LRRCC1: variants seen among roughly 807,000 people sequenced by gnomAD.
LRRCC1 encodes the protein leucine-rich repeat and coiled-coil domain-containing protein 1.
In LRRCC1, 115 loss-of-function variants were observed where a neutral mutation model predicts 126.0. The ratio of observed to expected loss-of-function variants is 0.91; its 90% confidence interval spans 0.78 to 1.07. The LOEUF is 1.07. Among genes scored for constraint, LRRCC1 ranks in the 50% least tolerant of loss-of-function variants. LRRCC1 has a pLI of 0.00. For missense variants in LRRCC1, 1,172 were observed against 1,175.7 expected (o/e 1.00, Z 0.05); for synonymous variants, 400 against 393.4 (o/e 1.02, Z -0.20).
chr8:85,129,198 A>C lies in LRRCC1; in HGVS notation c.1445A>C (p.Glu482Ala). 6.2e-7 allele frequency: 1 copy of C among 1,610,388 alleles called. No homozygotes were observed. The highest frequency in any genetic ancestry group is 8.5e-7 in the Non-Finnish European group (1 of 1,178,686). ...AGGCTAAAGGAAATTATTTTTAGAG[A>C]GAGAAATTCCAAAGGACAACTCGAA... ...TDRLKEIIFR[E>A]RNSKGQLEVM... Residue 482 changes from glutamate (E) to alanine (A), a missense_variant, in exon 10 of 19, where the codon GAG becomes GCG. Physicochemically the swap from Glu to Ala is moderately radical, Grantham distance 107. Coordinates refer to ENST00000360375, the MANE Select transcript of LRRCC1 (RefSeq NM_033402.5).
At chr8:85,145,117 G>GTATATATATA (rs10647086) in intron 18 of LRRCC1, among the ~76,000 whole-genome samples, 4,934 of 143,228 alleles carry the variant, frequency 0.034, 79 homozygotes, top group South Asian at 0.049. Flanking sequence ...ATATATGTGT[G>GTATATATATA]TATATATATA....
At chr8:85,130,275 A>T (rs28621707) in intron 11 of LRRCC1, among the ~76,000 whole-genome samples, 95,769 of 151,074 alleles carry the variant, frequency 0.63, 30,999 homozygotes, top group Non-Finnish European at 0.68. Flanking sequence ...AGCTGGGACT[A>T]CAGGCGCCCG....
intron 1 of LRRCC1, among the ~76,000 whole-genome samples, chr8:85,108,067 A>G (rs976547558): frequency 6.6e-6 from 1 of 152,210 alleles, no homozygotes; most frequent in Non-Finnish European, 1.5e-5. Flanking sequence ...CAGGCTCTTT[A>G]GTCTCGACCC....
intron 12 of LRRCC1, among the ~76,000 whole-genome samples, chr8:85,133,800 A>G (rs750890811): frequency 9.2e-5 from 14 of 152,162 alleles, no homozygotes; most frequent in Non-Finnish European, 2.1e-4. Flanking sequence ...TCCTGCCTCT[A>G]TCCTTCCCCT....
At chr8:85,141,346 T>C in intron 17 of LRRCC1, 36 bp from the exon 18 acceptor site, 2 of 1,573,144 alleles carry the variant, frequency 1.3e-6, no homozygotes, top group Non-Finnish European at 1.7e-6. Flanking sequence ...ACACCACATA[T>C]ACACATATAT....
rs1811657499 is a variant in LRRCC1 at position 85,146,048 on chromosome 8, T to G, written c.*537T>G. 1 of 152,172 alleles carries G rather than the reference T, an allele frequency of 6.6e-6. No individual in the cohort carries two copies. Among genetic ancestry groups the G allele is most frequent in the Non-Finnish European group, 1.5e-5 (1 of 68,030 alleles). 9.4% of individuals were successfully genotyped at this position (152,172 alleles called of 1,614,324 possible). A position where few individuals can be genotyped will look rare whatever the true frequency, so the allele number is the denominator to read the frequency against. On this transcript the variant is annotated 3_prime_UTR_variant, in exon 19 of 19. Coordinates refer to ENST00000360375, the MANE Select transcript of LRRCC1 (RefSeq NM_033402.5). ...CCCTTCTTTTATAATGCTTATATCT[T>G]TTCATTAAAGATTACATTTAAGGTT...
chr8:85,120,083 T>A (rs1222917768), intron 6 of LRRCC1, among the ~76,000 whole-genome samples: 1 of 152,232 alleles, frequency 6.6e-6, no homozygotes, highest in African/African-American at 2.4e-5. Context: ...TCCATTTTGT[T>A]CAGAGAACAT....
At chr8:85,110,291 C>A in intron 3 of LRRCC1, 111 bp downstream of exon 3, 2 of 481,648 alleles carry the variant, frequency 4.2e-6, no homozygotes, top group South Asian at 5.1e-5. Context: ...TAATTTTTAG[C>A]CAAAGAGCTC....
intron 6 of LRRCC1, 41 bp downstream of exon 6, chr8:85,115,625 A>G (rs1418482716): frequency 1.5e-6 from 2 of 1,332,008 alleles, no homozygotes; most frequent in Admixed American, 2.0e-5. Flanking sequence ...TGTTTATTGA[A>G]GAAAACATAG....
Position 85,115,482 on chromosome 8 carries a change from G to C in LRRCC1, c.828G>C (p.Val276=). 1.2e-6 allele frequency: 2 copies of C among 1,613,634 alleles called. No individual in the cohort carries two copies. The highest frequency in any genetic ancestry group is 1.7e-6 in the Non-Finnish European group (2 of 1,179,676). ...SDAVLTSFMS[V]CQSSEPEKNN... is the part of the protein sequence containing the mutation. ...CTGTGTTGACGTCTTTTATGTCTGT[G>C]TGTCAATCTTCTGAGCCAGAGAAAA... The change falls in exon 6 of 19, where the codon GTG becomes GTC. Residue 276 remains valine (V), a synonymous_variant. Coordinates refer to ENST00000360375, the MANE Select transcript of LRRCC1 (RefSeq NM_033402.5).
intron 13 of LRRCC1, among the ~76,000 whole-genome samples, chr8:85,135,255 A>G (rs552863338): frequency 6.6e-6 from 1 of 152,326 alleles, no homozygotes; most frequent in Non-Finnish European, 1.5e-5. Flanking sequence ...GTTTTAAGAA[A>G]CATGTTCAAT....
At chr8:85,115,342 T>C (rs778238105) in intron 5 of LRRCC1, 33 bp from the exon 6 acceptor site, 83 of 1,581,564 alleles carry the variant, frequency 5.2e-5, no homozygotes, top group Non-Finnish European at 6.7e-5. Flanking sequence ...TGAATATAAA[T>C]TAAAAGGATT....
intron 17 of LRRCC1, among the ~76,000 whole-genome samples, chr8:85,140,443 G>C (rs2136002419): frequency 6.6e-6 from 1 of 152,240 alleles, no homozygotes; most frequent in East Asian, 1.9e-4. Context: ...ATTTTAAAAA[G>C]GCTTTTGATG....
intron 12 of LRRCC1, among the ~76,000 whole-genome samples, chr8:85,132,375 C>CTTTTTTTTTTTTTTTTTTTT (rs551423793): frequency 9.1e-6 from 1 of 109,930 alleles, no homozygotes; most frequent in Non-Finnish European, 1.8e-5. Flanking sequence ...TGAGTACTTT[C>CTTTTTTTTTTTTTTTTTTTT]TTTTTTTTTT....
At chr8:85,143,064 C>G (rs1478637341) in intron 18 of LRRCC1, among the ~76,000 whole-genome samples, 1 of 152,042 alleles carries the variant, frequency 6.6e-6, no homozygotes, top group Non-Finnish European at 1.5e-5. Context: ...GTGTCTCATG[C>G]CTGTAAGCCC....
At chr8:85,134,786 G>A (rs1459492246) in intron 12 of LRRCC1, 61 bp from the exon 13 acceptor site, 1 of 1,094,924 alleles carries the variant, frequency 9.1e-7, no homozygotes, top group Non-Finnish European at 1.3e-6. Flanking sequence ...ACTATTTCCA[G>A]AAGCAAATAT....
chr8:85,115,173 A>G lies in LRRCC1; in HGVS notation c.618A>G (p.Pro206=), dbSNP rs1228076196. Residue 206 remains proline, a synonymous_variant, in exon 5 of 19, where the codon CCA becomes CCG. Transcript: ENST00000360375. ...ATTGCAAGAACATATTTGGTGAACC[A>G]GTAAATTTGACAGAAATAAATTCAT... ...ILDCKNIFGE[P]VNLTEINSSQ... is the part of the protein sequence containing the mutation. The G allele has an allele frequency of 6.2e-7, 1 of 1,612,990 alleles. No homozygotes were observed. Among genetic ancestry groups the G allele is most frequent in the Non-Finnish European group, 8.5e-7 (1 of 1,179,412 alleles).
At position 85,127,402 on chromosome 8, in the gene LRRCC1, T is replaced by G. The variant is rs533709877; in HGVS notation, c.1421+565T>G. On this transcript the variant is annotated intron_variant, in intron 9 of 18. Transcript: ENST00000360375. ...TAAATTACAATAACTTTTTTTCTTC[T>G]GTTTCCTGTAATTATTTCTAACGTC... Among the ~76,000 whole-genome samples the G allele has an allele frequency of 2.0e-5, 3 of 152,336 alleles. No individual in the cohort carries two copies. The East Asian group carries it at 5.8e-4, about 29-fold the overall frequency.
At chr8:85,122,636 T>C (rs1809648875) in intron 6 of LRRCC1, among the ~76,000 whole-genome samples, 1 of 152,192 alleles carries the variant, frequency 6.6e-6, no homozygotes, top group Admixed American at 6.5e-5. Context: ...TTTCTTATTA[T>C]CTCATTGAAC....
Sources: gnomAD v4.1 joint callset for allele counts (sites outside exome capture counted in the v4.1 genomes callset) on GRCh38, gnomAD v4.1.1 for gene constraint, MANE v1.5 for transcripts, NCBI Gene and HGNC (gene_info 2026-07-23, HGNC 2026-07-21) for gene names.